STIL: variants seen among roughly 807,000 people sequenced by gnomAD.
The protein encoded by STIL is SCL-interrupting locus protein.
In STIL, 55 loss-of-function variants were observed where a neutral mutation model predicts 110.1. That is an observed-to-expected ratio of 0.50 (90% CI 0.40 to 0.63). STIL has a LOEUF of 0.63. Among genes scored for constraint, STIL ranks in the 20% least tolerant of loss-of-function variants. The pLI, the probability that STIL is intolerant of heterozygous loss-of-function variation, is 0.00. For synonymous variants in STIL, 481 were observed against 530.0 expected, an observed-to-expected ratio of 0.91 and a Z score of 1.27; for missense variants, 1,358 against 1,530.0, an observed-to-expected ratio of 0.89 and a Z score of 1.87.
chr1:47,302,086 A>T (rs910576530), intron 4 of STIL, 148 bp downstream of exon 4: 5 of 669,104 alleles, frequency 7.5e-6, no homozygotes, highest in Middle Eastern at 3.6e-4. Context: ...CAAGTAATTT[A>T]AAAAAATGTT....
At chr1:47,296,995 T>C (rs1645658909) in intron 6 of STIL, among the ~76,000 whole-genome samples, 1 of 152,202 alleles carries the variant, frequency 6.6e-6, no homozygotes, top group Non-Finnish European at 1.5e-5. Context: ...ACAGCTGCTT[T>C]AAAAGTTCTC....
At chr1:47,258,406 C>T (rs556775291) in intron 16 of STIL, among the ~76,000 whole-genome samples, 1 of 152,080 alleles carries the variant, frequency 6.6e-6, no homozygotes, top group Non-Finnish European at 1.5e-5. Flanking sequence ...CTTGAAATAA[C>T]AAATAAGAGA....
chr1:47,279,775 G>T (rs1270235008), intron 12 of STIL, among the ~76,000 whole-genome samples: 1 of 150,194 alleles, frequency 6.7e-6, no homozygotes, highest in Non-Finnish European at 1.5e-5. Flanking sequence ...CTGCAACAGA[G>T]GTTCTGAAAA....
In STIL at chr1:47,280,820, T is replaced by C; in HGVS notation, c.1638A>G (p.Val546=). Residue 546 remains valine (V), a synonymous_variant, in exon 12 of 17, where the codon GTA becomes GTG. Transcript: ENST00000371877. ...GTCTTATAGGATACTCTTCGTTTTG[T>C]ACATTTCCAGCAGAAACTGTTTGGA... The part of the protein sequence containing the change: ...EKLQTVSAGN[V]QNEEYPIRPS... The C allele has an allele frequency of 6.2e-7, 1 of 1,614,234 alleles. No individual in the cohort carries two copies. The highest frequency in any genetic ancestry group is 8.5e-7 in the Non-Finnish European group (1 of 1,180,048).
intron 12 of STIL, among the ~76,000 whole-genome samples, chr1:47,279,142 A>G (rs529607140): frequency 6.6e-6 from 1 of 152,192 alleles, no homozygotes; most frequent in East Asian, 1.9e-4. Context: ...CTAAAAAAAT[A>G]CAAAAAATTA....
At chr1:47,298,994 C>T (rs1187708247) in intron 6 of STIL, among the ~76,000 whole-genome samples, 1 of 151,472 alleles carries the variant, frequency 6.6e-6, no homozygotes, top group African/African-American at 2.4e-5. Context: ...CGTGATCCAC[C>T]CGCCTCGGCC....
In STIL at chr1:47,280,513, G is replaced by C. The variant is rs1645127220; in HGVS notation, c.1945C>G (p.Pro649Ala). 6.2e-7 allele frequency: 1 copy of C among 1,614,238 alleles called. No individual in the cohort carries two copies. Among genetic ancestry groups the C allele is most frequent in the South Asian group, 1.1e-5 (1 of 91,088 alleles). The change falls in exon 12 of 17, where the codon CCA (proline) becomes GCA (alanine). Residue 649 changes from proline to alanine, a missense_variant. Transcript: ENST00000371877. The stretch of plus-strand genomic sequence containing the variant: ...CAGAATGCATTACAGTACAGGGCTG[G>C]ACATCCACTTGGGTGAAATAATGAA... ...KHSLFHPSGCPALYCNAFCSS... is the reference protein window; with the variant it reads ...KHSLFHPSGCAALYCNAFCSS...
chr1:47,301,538 A>G (rs778606623), intron 5 of STIL, 23 bp downstream of exon 5: 1 of 1,605,408 alleles, frequency 6.2e-7, no homozygotes, highest in African/African-American at 1.3e-5. Context: ...TGAATTAACT[A>G]TCAAGTTGTC....
At chr1:47,294,333 T>C (rs1209667189) in intron 7 of STIL, among the ~76,000 whole-genome samples, 8 of 152,368 alleles carry the variant, frequency 5.3e-5, no homozygotes, top group Admixed American at 4.6e-4. Context: ...ATCACCTCAC[T>C]TTGATTTTAA....
At chr1:47,261,362 T>A (rs192015545) in intron 15 of STIL, among the ~76,000 whole-genome samples, 49 of 151,896 alleles carry the variant, frequency 3.2e-4, no homozygotes, top group African/African-American at 1.1e-3. Flanking sequence ...TACTCCAGCC[T>A]GGGTGACAGA....
chr1:47,265,877 C>T (rs186889513), intron 14 of STIL, among the ~76,000 whole-genome samples: 66 of 151,864 alleles, frequency 4.3e-4, no homozygotes, highest in Admixed American at 1.5e-3. Context: ...GACTCAACTT[C>T]CCAGGCTCCA....
At chr1:47,256,148 CAT>C (rs113514447) in intron 16 of STIL, among the ~76,000 whole-genome samples, 29 of 152,286 alleles carry the variant, frequency 1.9e-4, no homozygotes, top group African/African-American at 5.5e-4. Flanking sequence ...TATACCTACA[CAT>C]GTTAAAAAGT....
At chr1:47,311,031 A>G (rs1308290307) in intron 1 of STIL, among the ~76,000 whole-genome samples, 1 of 151,666 alleles carries the variant, frequency 6.6e-6, no homozygotes, top group Non-Finnish European at 1.5e-5. Context: ...TATTTTTAGT[A>G]GAGACGGGGT....
intron 10 of STIL, among the ~76,000 whole-genome samples, chr1:47,285,491 T>G (rs1645270764): frequency 6.6e-6 from 1 of 152,234 alleles, no homozygotes. Flanking sequence ...GGAGTCTCAC[T>G]GTATCACCCA....
intron 6 of STIL, among the ~76,000 whole-genome samples, chr1:47,296,161 A>C (rs1645636842): frequency 6.6e-6 from 1 of 152,220 alleles, no homozygotes; most frequent in African/African-American, 2.4e-5. Flanking sequence ...GTTAACATTA[A>C]GGTAGGCAGT....
intron 1 of STIL, among the ~76,000 whole-genome samples, chr1:47,311,524 C>G (rs1357831778): frequency 6.6e-6 from 1 of 151,630 alleles, no homozygotes; most frequent in Non-Finnish European, 1.5e-5. Context: ...TGGATTAAAG[C>G]AATCCATCAG....
chr1:47,255,520 G>T (rs1644302887), intron 16 of STIL, among the ~76,000 whole-genome samples: 1 of 143,652 alleles, frequency 7.0e-6, no homozygotes, highest in Non-Finnish European at 1.5e-5. Context: ...CTGCACTGCA[G>T]CCTGGGCAAC....
rs114496408 is a variant in STIL, at chr1:47,292,164, C to G, written c.872+1294G>C. Among the ~76,000 whole-genome samples, 1,398 of 152,096 alleles carry G rather than the reference C, an allele frequency of 9.2e-3. 25 individuals are homozygous for G. The highest frequency in any genetic ancestry group is 0.031 in the African/African-American group (1,297 of 41,486). On this transcript the variant is annotated intron_variant, in intron 8 of 16. Transcript: ENST00000371877. Reference sequence around the variant, plus strand: ...GGATTACAGACATAAGACACCATGCCTGGTCTGGGGACCTTTATTTTGTTT... The same window carrying G: ...GGATTACAGACATAAGACACCATGCGTGGTCTGGGGACCTTTATTTTGTTT...
intron 13 of STIL, among the ~76,000 whole-genome samples, chr1:47,271,022 T>C (rs1338899017): frequency 6.6e-6 from 1 of 152,142 alleles, no homozygotes; most frequent in Non-Finnish European, 1.5e-5. Context: ...TCTTCAGAGC[T>C]ATTTGCATGT....
Sources: allele counts gnomAD v4.1 joint callset (sites outside exome capture counted in the v4.1 genomes callset), GRCh38; gene constraint gnomAD v4.1.1; transcripts MANE v1.5; gene names NCBI Gene and HGNC (gene_info 2026-07-23, HGNC 2026-07-21).